The following BRD10 variants were observed in gnomAD, a reference collection of about 807,000 sequenced individuals.
BRD10 encodes the protein bromodomain containing 10.
the BRD10 span, among the ~76,000 whole-genome samples, chr9:5,988,867 C>T: frequency 1.3e-5 from 2 of 151,580 alleles, no homozygotes; most frequent in Admixed American, 1.3e-4. Flanking sequence ...ATTATTGGTA[C>T]GAGAAAATGT....
the BRD10 span, chr9:5,920,912 A>G: frequency 6.2e-7 from 1 of 1,614,008 alleles, no homozygotes; most frequent in East Asian, 2.2e-5. Flanking sequence ...TCTATTTGAC[A>G]AAATAGGCAT....
At chr9:5,960,650 A>G in the BRD10 span, among the ~76,000 whole-genome samples, 1 of 152,092 alleles carries the variant, frequency 6.6e-6, no homozygotes, top group African/African-American at 2.4e-5. Flanking sequence ...AGTATCTTAA[A>G]ACACCATAAG....
chr9:5,976,681 T>C, the BRD10 span, among the ~76,000 whole-genome samples: 1 of 152,112 alleles, frequency 6.6e-6, no homozygotes, highest in Non-Finnish European at 1.5e-5. Flanking sequence ...TGTGACACTT[T>C]GTTTTTTTCC....
At chr9:5,927,419 C>T in the BRD10 span, among the ~76,000 whole-genome samples, 2 of 152,268 alleles carry the variant, frequency 1.3e-5, no homozygotes, top group Middle Eastern at 3.4e-3. Context: ...TATTCTATCA[C>T]ACAAACGACA....
chr9:6,001,633 T>C, the BRD10 span, among the ~76,000 whole-genome samples: 1 of 152,244 alleles, frequency 6.6e-6, no homozygotes, highest in South Asian at 2.1e-4. Context: ...ACATATTATC[T>C]AGCACATAAT....
chr9:5,931,057 A>C, the BRD10 span, among the ~76,000 whole-genome samples: 1 of 152,236 alleles, frequency 6.6e-6, no homozygotes, highest in Non-Finnish European at 1.5e-5. Context: ...TAGTAGGGAG[A>C]CTATACTCTT....
the BRD10 span, among the ~76,000 whole-genome samples, chr9:5,989,739 G>A: frequency 6.6e-6 from 1 of 152,042 alleles, no homozygotes; most frequent in Non-Finnish European, 1.5e-5. Context: ...ATGTTGCCCA[G>A]GCTGGTCTTG....
At chr9:5,968,944 T>C in the BRD10 span, 2 of 1,611,834 alleles carry the variant, frequency 1.2e-6, no homozygotes, top group Admixed American at 3.4e-5. Context: ...GACCCTTAAG[T>C]AGCCACACTT....
chr9:5,899,725 C>T, the BRD10 span, among the ~76,000 whole-genome samples: 1 of 152,178 alleles, frequency 6.6e-6, no homozygotes, highest in African/African-American at 2.4e-5. Context: ...CTTTTTGCCT[C>T]TTCGACCCCT....
At chr9:5,946,131 T>G in the BRD10 span, among the ~76,000 whole-genome samples, 1 of 152,066 alleles carries the variant, frequency 6.6e-6, no homozygotes, top group Non-Finnish European at 1.5e-5. Context: ...TTTCTTCTAT[T>G]AGGTTAAACC....
the BRD10 span, among the ~76,000 whole-genome samples, chr9:5,957,434 T>G: frequency 1.3e-5 from 2 of 152,162 alleles, no homozygotes; most frequent in African/African-American, 4.8e-5. Flanking sequence ...TTATTCTAAT[T>G]AATCTTAACA....
chr9:5,974,399 A>G, the BRD10 span, among the ~76,000 whole-genome samples: 1 of 152,202 alleles, frequency 6.6e-6, no homozygotes, highest in Non-Finnish European at 1.5e-5. Flanking sequence ...TCAAATTTAT[A>G]CTTTCATTTG....
the BRD10 span, among the ~76,000 whole-genome samples, chr9:5,928,128 T>C: frequency 6.6e-6 from 1 of 152,132 alleles, no homozygotes; most frequent in African/African-American, 2.4e-5. Context: ...AGACCAAAAA[T>C]AGTGGGTATC....
chr9:5,994,895 A>ATTTTTCT, the BRD10 span, among the ~76,000 whole-genome samples: 1 of 144,488 alleles, frequency 6.9e-6, no homozygotes, highest in Admixed American at 6.8e-5. Flanking sequence ...AAATGCTATC[A>ATTTTTCT]TTTTTCTTTT....
chr9:5,896,137 A>G, the BRD10 span, among the ~76,000 whole-genome samples: 1 of 152,178 alleles, frequency 6.6e-6, no homozygotes, highest in Non-Finnish European at 1.5e-5. Context: ...GTTGCTGTGA[A>G]TGTTGGTTCT....
chr9:5,998,223 C>G, the BRD10 span, among the ~76,000 whole-genome samples: 1 of 152,044 alleles, frequency 6.6e-6, no homozygotes, highest in African/African-American at 2.4e-5. Context: ...CAGTAGGAGA[C>G]CTGGAGACTG....
the BRD10 span, chr9:5,908,541 C>T: frequency 1.9e-6 from 2 of 1,067,678 alleles, no homozygotes; most frequent in South Asian, 2.8e-5. Flanking sequence ...TTTCAGTCCA[C>T]AGGGAAAGTA....
At chr9:5,941,888 G>A in the BRD10 span, among the ~76,000 whole-genome samples, 7 of 152,116 alleles carry the variant, frequency 4.6e-5, no homozygotes, top group Non-Finnish European at 1.0e-4. Flanking sequence ...TATCTGGAAA[G>A]TCCCTGCAGA....
At chr9:5,944,205 T>G in the BRD10 span, among the ~76,000 whole-genome samples, 1 of 152,180 alleles carries the variant, frequency 6.6e-6, no homozygotes, top group African/African-American at 2.4e-5. Context: ...AATCTGTGCA[T>G]AGCCCAACTA....
Sources: allele counts gnomAD v4.1 joint callset (sites outside exome capture counted in the v4.1 genomes callset), GRCh38; gene constraint gnomAD v4.1.1; transcripts MANE v1.5; gene names NCBI Gene and HGNC (gene_info 2026-07-23, HGNC 2026-07-21).